FLT1: variants seen among roughly 807,000 people sequenced by gnomAD.
FLT1 encodes vascular endothelial growth factor receptor 1.
FLT1 carries 49 observed loss-of-function variants against 156.3 expected under a neutral mutation model. That is an observed-to-expected ratio of 0.31 (90% CI 0.25 to 0.40). The LOEUF (loss-of-function observed/expected upper bound fraction) is 0.40, where lower values mean the gene tolerates loss of function less well. Among genes scored for constraint, FLT1 ranks in the 10% least tolerant of loss-of-function variants. The probability of loss-of-function intolerance (pLI) is 1.00; values close to 1 mark genes in which losing one functional copy is unlikely to be tolerated. For missense variants in FLT1, 1,322 were observed against 1,637.2 expected (o/e 0.81, Z 3.32); for synonymous variants, 594 against 583.8 (o/e 1.02, Z -0.25).
intron 13 of FLT1, chr13:28,386,857 C>T (rs1005439163): frequency 4.0e-5 from 42 of 1,049,140 alleles, no homozygotes; most frequent in Non-Finnish European, 1.2e-5. Flanking sequence ...AACTCAGACC[C>T]AATTCACTGA....
chr13:28,427,546 T>G (rs1158580146), intron 9 of FLT1, among the ~76,000 whole-genome samples: 2 of 152,184 alleles, frequency 1.3e-5, no homozygotes, highest in Non-Finnish European at 2.9e-5. Flanking sequence ...TACATTGTGA[T>G]TACAGTGATA....
intron 14 of FLT1, among the ~76,000 whole-genome samples, chr13:28,375,743 C>T (rs904015839): frequency 7.2e-5 from 11 of 152,216 alleles, no homozygotes; most frequent in African/African-American, 2.7e-4. Flanking sequence ...ATCACACCAG[C>T]AGATCAGCTC....
intron 15 of FLT1, among the ~76,000 whole-genome samples, chr13:28,356,862 T>C (rs150340465): frequency 1.0e-3 from 155 of 152,274 alleles, no homozygotes; most frequent in African/African-American, 3.2e-3. Context: ...TTTGGATGAT[T>C]CTTAGCATTA....
intron 14 of FLT1, among the ~76,000 whole-genome samples, chr13:28,377,910 C>G (rs901644071): frequency 3.6e-4 from 55 of 152,090 alleles, no homozygotes; most frequent in African/African-American, 1.3e-3. Context: ...AAAGTAACCC[C>G]CAATCTGGGT....
chr13:28,346,173 G>C (rs1014583629), intron 15 of FLT1: 1 of 152,900 alleles, frequency 6.5e-6, no homozygotes, highest in Admixed American at 6.5e-5. Context: ...TGGGGGGCCT[G>C]AGATAGAAGA....
intron 3 of FLT1, among the ~76,000 whole-genome samples, chr13:28,446,971 G>A (rs2137577827): frequency 6.6e-6 from 1 of 152,196 alleles, no homozygotes; most frequent in South Asian, 2.1e-4. Context: ...AGACTCCAGA[G>A]ATGAACCCAT....
At chr13:28,467,666 C>CT (rs753400967) in intron 1 of FLT1, 49 bp from the exon 2 acceptor site, 9 of 1,045,282 alleles carry the variant, frequency 8.6e-6, no homozygotes, top group Middle Eastern at 2.9e-4. Context: ...GTCTTCTTAC[C>CT]TTTTTTTAAG....
At position 28,312,162 on chromosome 13, in the gene FLT1, G is replaced by A. The variant is rs577778216; in HGVS notation, c.3387-64C>T. 55 of 969,592 alleles carry A rather than the reference G, an allele frequency of 5.7e-5. 1 individual carries two copies. Among genetic ancestry groups the A allele is most frequent in the East Asian group, 4.3e-4 (18 of 42,030 alleles). 60.1% of individuals were successfully genotyped at this position (969,592 alleles called of 1,614,324 possible). A position where few individuals can be genotyped will look rare whatever the true frequency, so the allele number is the denominator to read the frequency against. On this transcript the variant is annotated intron_variant, in intron 25 of 29. Coordinates refer to ENST00000282397, the MANE Select transcript of FLT1 (RefSeq NM_002019.4). The stretch of plus-strand genomic sequence containing the variant: ...GTGATCATCCTATGCATTGCCTTAC[G>A]TACTACAAAGGGAGGGCTGTCATCA...
chr13:28,368,480 C>G, intron 14 of FLT1: 1 of 1,512,636 alleles, frequency 6.6e-7, no homozygotes, highest in African/African-American at 1.4e-5. Context: ...TGTCTTGGCT[C>G]TCCAACTAAA....
intron 1 of FLT1, among the ~76,000 whole-genome samples, chr13:28,473,667 A>G (rs867773919): frequency 7.8e-5 from 10 of 128,358 alleles, no homozygotes; most frequent in African/African-American, 3.2e-4. Flanking sequence ...GAAAGAAAGA[A>G]AGAAAGAGAG....
At chr13:28,311,177 G>GAACT (rs1334811739) in intron 27 of FLT1, among the ~76,000 whole-genome samples, 2 of 152,030 alleles carry the variant, frequency 1.3e-5, no homozygotes, top group Non-Finnish European at 2.9e-5. Context: ...GGCAGATTTT[G>GAACT]AACTCCTAGG....
intron 14 of FLT1, among the ~76,000 whole-genome samples, chr13:28,384,599 A>C (rs1874243734): frequency 6.6e-6 from 1 of 152,188 alleles, no homozygotes; most frequent in African/African-American, 2.4e-5. Flanking sequence ...GAACTGAATC[A>C]TTTTCTACAT....
intron 1 of FLT1, among the ~76,000 whole-genome samples, chr13:28,485,542 T>TAATATATACTG (rs1375893526): frequency 1.3e-5 from 2 of 152,180 alleles, no homozygotes; most frequent in Non-Finnish European, 2.9e-5. Context: ...CTATAATAAG[T>TAATATATACTG]TATTTACTGT....
chr13:28,368,680 T>TAA (rs777505806), intron 14 of FLT1: 2 of 807,674 alleles, frequency 2.5e-6, no homozygotes, highest in Non-Finnish European at 2.1e-6. Flanking sequence ...ACACAGTAAA[T>TAA]AATCATATCT....
In FLT1 at chr13:28,376,064, T is replaced by G. The variant is rs867187429; in HGVS notation, c.2116+8821A>C. On this transcript the variant is annotated intron_variant, in intron 14 of 29. Transcript: ENST00000282397. Reference sequence around the variant, plus strand: ...ATTAACAGCCTCATTCCTCTCTCTCTTCTAAGGTTCCTTAAGATCTTTCCT... The same window carrying G: ...ATTAACAGCCTCATTCCTCTCTCTCGTCTAAGGTTCCTTAAGATCTTTCCT... 2.4e-4 allele frequency among the ~76,000 whole-genome samples: 36 copies of G among 152,332 alleles called. 1 individual carries two copies. In the Middle Eastern group the frequency reaches 0.02, roughly 86 times the overall value.
chr13:28,347,777 A>G lies in FLT1; in HGVS notation c.2249-2226T>C, dbSNP rs2138861814. Among the ~76,000 whole-genome samples, 3 of 152,342 alleles carry G rather than the reference A, an allele frequency of 2.0e-5. No homozygotes were observed. In the Middle Eastern group the frequency reaches 0.01, roughly 518 times the overall value. On this transcript the variant is annotated intron_variant, in intron 15 of 29. Coordinates refer to ENST00000282397, the MANE Select transcript of FLT1 (RefSeq NM_002019.4). ...GGGACTTTTCTAAGGACCAACATGT[A>G]TTCATTCACCAAAGACTCACAAAAA... is the stretch of plus-strand genomic sequence containing the variant.
intron 1 of FLT1, among the ~76,000 whole-genome samples, chr13:28,485,457 T>C (rs553050515): frequency 7.9e-5 from 12 of 152,292 alleles, no homozygotes; most frequent in African/African-American, 2.9e-4. Flanking sequence ...ATTTTTTATT[T>C]ATTTATTTAT....
At chr13:28,370,199 A>G (rs1873493741) in intron 14 of FLT1, among the ~76,000 whole-genome samples, 2 of 152,082 alleles carry the variant, frequency 1.3e-5, no homozygotes, top group Admixed American at 6.5e-5. Flanking sequence ...GAAAAAAAAA[A>G]AAGCTGTATA....
chr13:28,390,507 T>C (rs948133953), intron 12 of FLT1, among the ~76,000 whole-genome samples: 6 of 152,176 alleles, frequency 3.9e-5, no homozygotes, highest in Non-Finnish European at 7.3e-5. Flanking sequence ...GCGATTCTCC[T>C]GCCTCAGCTT....
Sources: gnomAD v4.1 joint callset for allele counts (sites outside exome capture counted in the v4.1 genomes callset) on GRCh38, gnomAD v4.1.1 for gene constraint, MANE v1.5 for transcripts, NCBI Gene and HGNC (gene_info 2026-07-23, HGNC 2026-07-21) for gene names.